Variants in MROH1 observed in about 807,000 individuals in gnomAD.
MROH1 encodes the protein maestro heat like repeat family member 1, also known as maestro heat-like repeat-containing protein family member 1.
A neutral mutation model predicts 116.5 loss-of-function variants in MROH1; 117 were observed. The observed-to-expected ratio is 1.00, with a 90% CI of 0.86 to 1.17. The LOEUF is 1.17. Among genes scored for constraint, MROH1 ranks in the 50% most tolerant of loss-of-function variants. The probability of loss-of-function intolerance (pLI) is 0.00; values close to 1 mark genes in which losing one functional copy is unlikely to be tolerated. For missense variants in MROH1, 1,873 were observed against 1,338.5 expected (o/e 1.40, Z -6.23); for synonymous variants, 921 against 583.9 (o/e 1.58, Z -8.32).
At chr8:144,215,467 G>A (rs1835021772) in intron 12 of MROH1, among the ~76,000 whole-genome samples, 1 of 152,182 alleles carries the variant, frequency 6.6e-6, no homozygotes, top group Non-Finnish European at 1.5e-5. Context: ...TGTTAGTGAG[G>A]CAGATGACCC....
chr8:144,243,738 T>C (rs1162745451), intron 25 of MROH1, 122 bp downstream of exon 25: 3 of 752,472 alleles, frequency 4.0e-6, no homozygotes, highest in Non-Finnish European at 7.4e-6. Context: ...GGAGGGGCCA[T>C]GTAGGGACAC....
intron 4 of MROH1, among the ~76,000 whole-genome samples, chr8:144,173,575 G>T (rs141745848): frequency 6.6e-6 from 1 of 151,752 alleles, no homozygotes; most frequent in African/African-American, 2.4e-5. Flanking sequence ...ACAGGTGCAC[G>T]CCACCACACC....
intron 26 of MROH1, 84 bp downstream of exon 26, chr8:144,244,026 G>A (rs1399851815): frequency 2.2e-5 from 16 of 735,990 alleles, no homozygotes; most frequent in South Asian, 4.3e-5. Context: ...GTGTATGCGC[G>A]TGTGCATGTG....
intron 12 of MROH1, among the ~76,000 whole-genome samples, chr8:144,205,209 A>G (rs1832560662): frequency 6.6e-6 from 1 of 152,202 alleles, no homozygotes; most frequent in Admixed American, 6.5e-5. Flanking sequence ...CAAGTTTTCA[A>G]TGAAAATATT....
Position 144,182,850 on chromosome 8 carries a change from G to A in MROH1, c.562+2327G>A, listed in dbSNP as rs1161213958. ...CCAGCACTTTGGAAAGCCGAAGCGG[G>A]CTGATCACTTGAGGTCAGGAGTTCA... On this transcript the variant is annotated intron_variant, in intron 7 of 43. Transcript: ENST00000326134. This position sits in a 1 kb window ranked among gnomAD's most constrained non-coding sequence, Gnocchi z 4.1. Among the ~76,000 whole-genome samples, 2 of 152,290 alleles carry A rather than the reference G, an allele frequency of 1.3e-5. No homozygotes were observed. Among genetic ancestry groups the A allele is most frequent in the East Asian group, 3.9e-4 (2 of 5,178 alleles).
Position 144,240,671 on chromosome 8 carries a change from G to A in MROH1, c.1929G>A (p.Gln643=). ...TGCCCTGCTACGATGAGGCACCCCA[G>A]GAGAAGGTGGGGCACCTGCTGGCGT... ...RQLPCYDEAP[Q]EKNFLYKCIG... Residue 643 remains glutamine, a synonymous_variant, in exon 20 of 44, where the codon CAG becomes CAA. Transcript: ENST00000326134. 1.4e-6 allele frequency: 1 copy of A among 716,636 alleles called. No homozygotes were observed. The highest frequency in any genetic ancestry group is 2.6e-6 in the Non-Finnish European group (1 of 384,964). The allele number at this position is 716,636 out of a possible 1,614,324, so 44.4% of individuals were successfully genotyped here.
chr8:144,169,282 T>C (rs534403404), intron 4 of MROH1, among the ~76,000 whole-genome samples: 1 of 152,300 alleles, frequency 6.6e-6, no homozygotes, highest in South Asian at 2.1e-4. Context: ...ATACAGTGTA[T>C]TTCTTATCAG....
At chr8:144,192,645 C>A in intron 10 of MROH1, 1 of 677,292 alleles carries the variant, frequency 1.5e-6, no homozygotes, top group Non-Finnish European at 2.7e-6. Context: ...GGAGTGGGTG[C>A]CCAGGCCCAG....
chr8:144,176,728 C>T (rs1318336535), intron 4 of MROH1, among the ~76,000 whole-genome samples: 1 of 3,282 alleles, frequency 3.0e-4, no homozygotes, highest in African/African-American at 3.3e-4. Context: ...ACTCGGGAGG[C>T]TAAGGCAGGA....
intron 24 of MROH1, among the ~76,000 whole-genome samples, chr8:144,243,176 C>T (rs923258614): frequency 2.6e-5 from 4 of 152,226 alleles, no homozygotes; most frequent in Admixed American, 1.3e-4. Flanking sequence ...GCTGGGAGGG[C>T]GGGGCTGTTC....
chr8:144,192,815 A>C, intron 10 of MROH1: 3 of 350,258 alleles, frequency 8.6e-6, no homozygotes, highest in South Asian at 2.1e-5. Flanking sequence ...AGAGGAAGTG[A>C]TGTGGGGAGG....
chr8:144,176,827 CA>C (rs5895785), intron 4 of MROH1, among the ~76,000 whole-genome samples: 100,847 of 126,456 alleles, frequency 0.8, 39,876 homozygotes, highest in East Asian at 0.98. Context: ...GACTCTGTCT[CA>C]AAAAAAAAAA....
chr8:144,248,948 C>T lies in MROH1; in HGVS notation c.3192C>T (p.Asp1064=). Residue 1064 remains aspartate, a synonymous_variant, in exon 32 of 44, where the codon GAC becomes GAT. Coordinates refer to ENST00000326134, the MANE Select transcript of MROH1 (RefSeq NM_032450.3). Reference sequence around the variant, plus strand: ...TAACCATGTTTGAGGCCCTGGGAGACCCCGAAAAGAACTGCTCCCGAGCAG... The same window carrying T: ...TAACCATGTTTGAGGCCCTGGGAGATCCCGAAAAGAACTGCTCCCGAGCAG... ...LLLTMFEALG[D]PEKNCSRAAT... The T allele has an allele frequency of 1.3e-6, 1 of 764,526 alleles. No individual in the cohort carries two copies. The highest frequency in any genetic ancestry group is 2.3e-4 in the Middle Eastern group (1 of 4,420). 47.4% of individuals were successfully genotyped at this position (764,526 alleles called of 1,614,324 possible).
intron 36 of MROH1, 69 bp from the exon 37 acceptor site, chr8:144,259,171 G>C (rs945459852): frequency 1.4e-6 from 1 of 704,064 alleles, no homozygotes; most frequent in South Asian, 1.5e-5. Context: ...GGCTGTGCAG[G>C]GTGGAAGGTG....
At chr8:144,160,090 G>T (rs568657715) in intron 1 of MROH1, among the ~76,000 whole-genome samples, 2 of 152,282 alleles carry the variant, frequency 1.3e-5, no homozygotes, top group Admixed American at 6.5e-5. Flanking sequence ...ATTTTTGATT[G>T]GATGCCAGGC....
chr8:144,176,996 C>T (rs1235829118), intron 4 of MROH1, among the ~76,000 whole-genome samples: 2 of 152,120 alleles, frequency 1.3e-5, no homozygotes, highest in Non-Finnish European at 2.9e-5. Flanking sequence ...CGCCAACACT[C>T]ACGGATGGGA....
chr8:144,248,704 C>T (rs2133110317), intron 31 of MROH1, among the ~76,000 whole-genome samples, 173 bp from the exon 32 acceptor site: 1 of 152,166 alleles, frequency 6.6e-6, no homozygotes, highest in South Asian at 2.1e-4. Context: ...AGAAGGAGAC[C>T]CCACCCCCGT....
chr8:144,177,688 A>G (rs997289961), intron 4 of MROH1, among the ~76,000 whole-genome samples: 1 of 152,052 alleles, frequency 6.6e-6, no homozygotes, highest in Non-Finnish European at 1.5e-5. Context: ...GCCTGGTGGG[A>G]GGTGACTGGA....
chr8:144,256,216 G>A (rs1843739677), intron 35 of MROH1, among the ~76,000 whole-genome samples: 1 of 152,146 alleles, frequency 6.6e-6, no homozygotes. Context: ...ACAGACAGAG[G>A]AGGCTGACAC....
Sources: gnomAD v4.1 joint callset for allele counts (sites outside exome capture counted in the v4.1 genomes callset) on GRCh38, gnomAD v4.1.1 for gene constraint, Gnocchi (gnomAD v3.1) non-coding constraint, MANE v1.5 for transcripts, NCBI Gene and HGNC (gene_info 2026-07-23, HGNC 2026-07-21) for gene names.